The following ARL6IP6 variants were observed in gnomAD, a reference collection of about 807,000 sequenced individuals.
The protein encoded by ARL6IP6 is ADP-ribosylation factor-like protein 6-interacting protein 6.
ARL6IP6 carries 22 observed loss-of-function variants against 21.5 expected under a neutral mutation model. That is an observed-to-expected ratio of 1.02 (90% CI 0.73 to 1.46). The LOEUF (loss-of-function observed/expected upper bound fraction) is 1.46. ARL6IP6 is among the 40% of genes most tolerant of loss of function. The pLI is 0.00. For synonymous variants in ARL6IP6, 164 were observed against 125.3 expected (o/e 1.31, Z -2.06); for missense variants, 388 against 299.8 (o/e 1.29, Z -2.17).
intron 3 of ARL6IP6, among the ~76,000 whole-genome samples, chr2:152,740,429 C>A (rs1389480445): frequency 1.3e-5 from 2 of 151,890 alleles, no homozygotes; most frequent in African/African-American, 4.8e-5. Flanking sequence ...GAAATGGTGT[C>A]ATATTAGAGC....
In ARL6IP6 at chr2:152,718,873, G is replaced by T. The variant is rs1156504186; in HGVS notation, c.249G>T (p.Leu83=). ...LPPDGNGSPV[L]PDKRNGIFPA... ...CGGACGGGAACGGGTCGCCCGTTCTGCCCGATAAGCGCAATGGTATCTTTC... is the reference window on the plus strand; with the variant it reads ...CGGACGGGAACGGGTCGCCCGTTCTTCCCGATAAGCGCAATGGTATCTTTC... The change falls in exon 1 of 4, where the codon CTG becomes CTT. Residue 83 remains leucine, a synonymous_variant. Coordinates refer to ENST00000326446, the MANE Select transcript of ARL6IP6 (RefSeq NM_152522.7). The T allele has an allele frequency of 2.5e-6, 4 of 1,613,668 alleles. No homozygotes were observed. The African/African-American group carries it at 5.3e-5, about 22-fold the overall frequency.
At chr2:152,758,002 C>T (rs546888664) in intron 3 of ARL6IP6, among the ~76,000 whole-genome samples, 1 of 152,148 alleles carries the variant, frequency 6.6e-6, no homozygotes, top group Non-Finnish European at 1.5e-5. Flanking sequence ...GAACAATTAA[C>T]TCTGGAAACC....
At chr2:152,718,467 T>A, upstream of ARL6IP6, 1 of 1,076,706 alleles carries the variant, frequency 9.3e-7, no homozygotes, top group Non-Finnish European at 1.3e-6. Flanking sequence ...GCCCTGCGGC[T>A]TCCTTTGCAA....
At chr2:152,756,171 T>G (rs569877658) in intron 3 of ARL6IP6, among the ~76,000 whole-genome samples, 23 of 152,286 alleles carry the variant, frequency 1.5e-4, no homozygotes, top group African/African-American at 4.8e-4. Context: ...GTCATGAAGA[T>G]TTATACCTAT....
intron 2 of ARL6IP6, among the ~76,000 whole-genome samples, chr2:152,729,437 ATTTAT>A (rs1429620785): frequency 3.3e-5 from 5 of 152,182 alleles, no homozygotes; most frequent in African/African-American, 1.2e-4. Flanking sequence ...GGATGTGTGT[ATTTAT>A]TTAAAAGCCT....
At chr2:152,738,358 C>T (rs1390527915) in intron 3 of ARL6IP6, among the ~76,000 whole-genome samples, 1 of 152,246 alleles carries the variant, frequency 6.6e-6, no homozygotes, top group African/African-American at 2.4e-5. Context: ...CTTCTCACAG[C>T]TCCACTAGGT....
chr2:152,759,970 AATC>A lies in ARL6IP6; in HGVS notation c.*134_*136del. ...ATTATGTAGTTCAGATATTTATCAC[AATC>A]ATCCTCATTATGGAAGACCTTTTAA... On this transcript the variant is annotated 3_prime_UTR_variant, in exon 4 of 4. Transcript: ENST00000326446. The A allele has an allele frequency of 2.8e-6, 2 of 707,738 alleles. No homozygotes were observed. The highest frequency in any genetic ancestry group is 4.9e-6 in the Non-Finnish European group (2 of 412,260). The allele number at this position is 707,738 out of a possible 1,614,324, so 43.8% of individuals were successfully genotyped here.
rs2105207043 is a variant in ARL6IP6 at position 152,762,385 on chromosome 2, CTTTGCAG to C, written c.*2549_*2555del. Among the ~76,000 whole-genome samples the C allele has an allele frequency of 6.6e-6, 1 of 152,274 alleles. No homozygotes were observed. The highest frequency in any genetic ancestry group is 2.1e-4 in the South Asian group (1 of 4,828). Reference sequence around the variant, plus strand: ...AGTCAATAAATTTCTGTCTTTTGGCCTTTGCAGTTTACATTGGCTTTTGTCATTTGCA... The same window carrying C: ...AGTCAATAAATTTCTGTCTTTTGGCCTTTACATTGGCTTTTGTCATTTGCA... On this transcript the variant is annotated 3_prime_UTR_variant, in exon 4 of 4. Transcript: ENST00000326446.
At chr2:152,752,150 C>G (rs953413528) in intron 3 of ARL6IP6, among the ~76,000 whole-genome samples, 3 of 152,152 alleles carry the variant, frequency 2.0e-5, no homozygotes, top group African/African-American at 7.2e-5. Context: ...TGTAGAAGAA[C>G]CAATGAATAA....
upstream of ARL6IP6, chr2:152,717,775 C>T: frequency 4.1e-6 from 5 of 1,226,428 alleles, no homozygotes; most frequent in South Asian, 8.9e-5. Context: ...GGGGGTGGGG[C>T]AGTGGGGGTC....
intron 3 of ARL6IP6, among the ~76,000 whole-genome samples, chr2:152,759,515 A>G (rs755795476): frequency 1.5e-4 from 23 of 152,326 alleles, no homozygotes; most frequent in Non-Finnish European, 3.4e-4. Context: ...CTCATCAGTA[A>G]TGATTTGAAA....
At position 152,746,821 on chromosome 2, in the gene ARL6IP6, C is replaced by CTTTTTTTTTTTTT. The variant is rs61506535; in HGVS notation, c.587+11707_587+11719dup. ...TATTTATCCTGAGATTTTATCCTTTCTTTTTTTTTTTTTTTTTTTTTTTTG... is the reference window on the plus strand; with the variant it reads ...TATTTATCCTGAGATTTTATCCTTTCTTTTTTTTTTTTTTTTTTTTTTTTTTTTTTTTTTTTTG... On this transcript the variant is annotated intron_variant, in intron 3 of 3. Transcript: ENST00000326446. Among the ~76,000 whole-genome samples the CTTTTTTTTTTTTT allele has an allele frequency of 3.0e-3, 98 of 33,068 alleles. 12 individuals are homozygous for CTTTTTTTTTTTTT. The highest frequency in any genetic ancestry group is 3.9e-3 in the Non-Finnish European group (71 of 18,366). 21.7% of individuals were successfully genotyped at this position (33,068 alleles called of 152,430 possible). A position where few individuals can be genotyped will look rare whatever the true frequency, so the allele number is the denominator to read the frequency against.
At chr2:152,727,253 A>G (rs988892378) in intron 2 of ARL6IP6, among the ~76,000 whole-genome samples, 2 of 152,234 alleles carry the variant, frequency 1.3e-5, no homozygotes, top group African/African-American at 4.8e-5. Flanking sequence ...TTTAAAAACT[A>G]AAAAATTAGA....
At chr2:152,733,724 G>C (rs1427760214) in intron 2 of ARL6IP6, among the ~76,000 whole-genome samples, 2 of 152,066 alleles carry the variant, frequency 1.3e-5, no homozygotes, top group Admixed American at 1.3e-4. Flanking sequence ...TTTTCCATCT[G>C]AATTCTGATG....
chr2:152,719,605 CTG>C (rs1699625191), intron 1 of ARL6IP6, among the ~76,000 whole-genome samples: 1 of 151,992 alleles, frequency 6.6e-6, no homozygotes, highest in South Asian at 2.1e-4. Context: ...GTTTTTCTGT[CTG>C]AAGTTGAAAT....
At position 152,743,493 on chromosome 2, in the gene ARL6IP6, A is replaced by G. The variant is rs139709944; in HGVS notation, c.587+8367A>G. 4.6e-5 allele frequency among the ~76,000 whole-genome samples: 7 copies of G among 152,308 alleles called. No individual in the cohort carries two copies. The East Asian group carries it at 1.3e-3, about 29-fold the overall frequency. ...CCAAAATAAGTCATTCTTGGCAAGTAAAGTTGGTTTATTAATTTTAAGTCT... is the reference window on the plus strand; with the variant it reads ...CCAAAATAAGTCATTCTTGGCAAGTGAAGTTGGTTTATTAATTTTAAGTCT... On this transcript the variant is annotated intron_variant, in intron 3 of 3. Coordinates refer to ENST00000326446, the MANE Select transcript of ARL6IP6 (RefSeq NM_152522.7).
chr2:152,717,930 G>A (rs1318321461), upstream of ARL6IP6: 2 of 1,005,912 alleles, frequency 2.0e-6, no homozygotes, highest in South Asian at 3.9e-5. Context: ...TCGAGGCGGA[G>A]GGGAGGAGGC....
chr2:152,718,542 C>G, upstream of ARL6IP6: 2 of 1,482,676 alleles, frequency 1.3e-6, no homozygotes, highest in Non-Finnish European at 1.8e-6. Context: ...GTAGCGGCCA[C>G]TGCCGCGGAT....
intron 2 of ARL6IP6, among the ~76,000 whole-genome samples, chr2:152,725,333 A>T (rs2105097049): frequency 6.6e-6 from 1 of 152,338 alleles, no homozygotes; most frequent in South Asian, 2.1e-4. Flanking sequence ...TAAAATAATT[A>T]TGATGGAATT....
Sources: gnomAD v4.1 joint callset for allele counts (sites outside exome capture counted in the v4.1 genomes callset) on GRCh38, gnomAD v4.1.1 for gene constraint, MANE v1.5 for transcripts, NCBI Gene and HGNC (gene_info 2026-07-23, HGNC 2026-07-21) for gene names.